CACNA2D4: variants seen among roughly 807,000 people sequenced by gnomAD.
The protein encoded by CACNA2D4 is calcium voltage-gated channel auxiliary subunit alpha2delta 4.
A neutral mutation model predicts 163.8 loss-of-function variants in CACNA2D4; 157 were observed. The ratio of observed to expected loss-of-function variants is 0.96; its 90% CI spans 0.84 to 1.09. The LOEUF (loss-of-function observed/expected upper bound fraction) is 1.09, where lower values mean the gene tolerates loss of function less well. CACNA2D4 is among the 50% of genes least tolerant of loss of function. The pLI is 0.00. For missense variants in CACNA2D4, 1,410 were observed against 1,479.9 expected (o/e 0.95, Z 0.78); for synonymous variants, 598 against 586.9 (o/e 1.02, Z -0.27).
chr12:1,909,574 G>A (rs1391441459), intron 4 of CACNA2D4, among the ~76,000 whole-genome samples: 3 of 152,198 alleles, frequency 2.0e-5, no homozygotes, highest in African/African-American at 7.2e-5. Context: ...TCCCCCATGA[G>A]CCCTGGGCGC....
Position 1,793,072 on chromosome 12 carries a change from C to G in CACNA2D4, c.*583G>C, listed in dbSNP as rs185774215. On this transcript the variant is annotated 3_prime_UTR_variant, in exon 38 of 38. Transcript: ENST00000382722. ...CTTGACCATTCCCTTACCCAACCCCCACCCCAACACAGTCAAAACCTTTTC... is the reference window on the plus strand; with the variant it reads ...CTTGACCATTCCCTTACCCAACCCCGACCCCAACACAGTCAAAACCTTTTC... 2.1e-3 allele frequency: 329 copies of G among 153,204 alleles called. No individual in the cohort carries two copies. The highest frequency in any genetic ancestry group is 3.7e-3 in the Admixed American group (57 of 15,446). 9.5% of individuals were successfully genotyped at this position (153,204 alleles called of 1,614,324 possible).
At chr12:1,821,908 TG>T (rs1864119827) in intron 26 of CACNA2D4, among the ~76,000 whole-genome samples, 1 of 151,676 alleles carries the variant, frequency 6.6e-6, no homozygotes. Flanking sequence ...AGTGTCTCTT[TG>T]TGACTCAGAT....
At chr12:1,832,099 T>C (rs1864661750) in intron 26 of CACNA2D4, among the ~76,000 whole-genome samples, 1 of 152,234 alleles carries the variant, frequency 6.6e-6, no homozygotes, top group South Asian at 2.1e-4. Context: ...TAGGCTTTAC[T>C]TTCTTCCCTT....
At chr12:1,837,499 C>T (rs139480215) in intron 26 of CACNA2D4, among the ~76,000 whole-genome samples, 41 of 152,234 alleles carry the variant, frequency 2.7e-4, no homozygotes, top group Non-Finnish European at 3.8e-4. Flanking sequence ...CTGCAAGCCC[C>T]ACTGAAGAGC....
chr12:1,870,764 GA>G (rs1204192971), intron 18 of CACNA2D4, among the ~76,000 whole-genome samples: 1 of 152,062 alleles, frequency 6.6e-6, no homozygotes, highest in African/African-American at 2.4e-5. Flanking sequence ...GGGGGGTTGG[GA>G]GGGGGTCTGT....
chr12:1,886,125 C>A, intron 8 of CACNA2D4, 86 bp from the exon 9 acceptor site: 1 of 1,534,842 alleles, frequency 6.5e-7, no homozygotes, highest in Non-Finnish European at 9.0e-7. Context: ...GACACTCATG[C>A]AGGTCACCGG....
intron 6 of CACNA2D4, among the ~76,000 whole-genome samples, chr12:1,898,772 T>C (rs764436618): frequency 3.3e-5 from 5 of 152,094 alleles, no homozygotes; most frequent in South Asian, 4.1e-4. Flanking sequence ...AATTCTGACA[T>C]ATGCTACAAC....
intron 37 of CACNA2D4, among the ~76,000 whole-genome samples, chr12:1,794,480 G>A (rs571481728): frequency 6.6e-6 from 1 of 152,322 alleles, no homozygotes; most frequent in East Asian, 1.9e-4. Context: ...GGTCCCACAA[G>A]GTGGCCGTCA....
intron 6 of CACNA2D4, among the ~76,000 whole-genome samples, chr12:1,889,642 A>C (rs1203461708): frequency 6.6e-6 from 1 of 152,142 alleles, no homozygotes; most frequent in African/African-American, 2.4e-5. Flanking sequence ...TTAAAATGTT[A>C]TTGTATTAAA....
At position 1,837,223 on chromosome 12, in the gene CACNA2D4, C is replaced by T. The variant is rs1051854942; in HGVS notation, c.2551+3516G>A. 3.9e-5 allele frequency among the ~76,000 whole-genome samples: 6 copies of T among 152,018 alleles called. No individual in the cohort carries two copies. In the East Asian group the frequency reaches 7.8e-4, roughly 20 times the overall value. ...GCACTGTTTGCCCAGAGGATGCTGCCGCACGGTGGGAGGGGAGGGCAGTTG... is the reference window on the plus strand; with the variant it reads ...GCACTGTTTGCCCAGAGGATGCTGCTGCACGGTGGGAGGGGAGGGCAGTTG... On this transcript the variant is annotated intron_variant, in intron 26 of 37. Transcript: ENST00000382722.
rs183654698 is a variant in CACNA2D4 at position 1,795,604 on chromosome 12, G to A, written c.3226+64C>T. On this transcript the variant is annotated intron_variant, in intron 36 of 37. Coordinates refer to ENST00000382722, the MANE Select transcript of CACNA2D4 (RefSeq NM_172364.5). ...GCTGGCCCCGCTGCTCAAAATCTGAGCCCTACAGACACCTCCTACAGCCCC... is the reference window on the plus strand; with the variant it reads ...GCTGGCCCCGCTGCTCAAAATCTGAACCCTACAGACACCTCCTACAGCCCC... The A allele has an allele frequency of 2.2e-5, 26 of 1,177,434 alleles. No individual in the cohort carries two copies. In the Admixed American group the frequency reaches 4.5e-4, roughly 20 times the overall value. The allele number at this position is 1,177,434 out of a possible 1,614,324, so 72.9% of individuals were successfully genotyped here.
At chr12:1,840,892 G>A in intron 25 of CACNA2D4, 73 bp from the exon 26 acceptor site, 1 of 1,282,046 alleles carries the variant, frequency 7.8e-7, no homozygotes. Context: ...CCACTTTCTT[G>A]GAATAGGAGA....
intron 34 of CACNA2D4, 155 bp from the exon 35 acceptor site, chr12:1,797,690 G>A: frequency 2.9e-6 from 2 of 685,540 alleles, no homozygotes; most frequent in South Asian, 1.5e-5. Flanking sequence ...AGCCGGGCGG[G>A]GGGTGAGGGG....
chr12:1,810,865 C>T (rs534317774), intron 27 of CACNA2D4, among the ~76,000 whole-genome samples: 4 of 152,126 alleles, frequency 2.6e-5, no homozygotes, highest in East Asian at 1.9e-4. Context: ...GCATTGTGTG[C>T]GTGGTATGCA....
intron 26 of CACNA2D4, among the ~76,000 whole-genome samples, chr12:1,817,613 G>T (rs1477679926): frequency 6.6e-6 from 1 of 152,002 alleles, no homozygotes; most frequent in East Asian, 1.9e-4. Context: ...CCTGCCAAGT[G>T]CCTGCGATTG....
intron 24 of CACNA2D4, among the ~76,000 whole-genome samples, chr12:1,845,766 A>G (rs186273339): frequency 4.9e-4 from 74 of 152,280 alleles, no homozygotes; most frequent in African/African-American, 1.7e-3. Flanking sequence ...CTTGGCTTAG[A>G]GCAGGGTTTC....
Position 1,799,424 on chromosome 12 carries a change from A to C in CACNA2D4, c.2995+251T>G, listed in dbSNP as rs1176944402. Among the ~76,000 whole-genome samples the C allele has an allele frequency of 6.6e-6, 1 of 152,170 alleles. No individual in the cohort carries two copies. Among genetic ancestry groups the C allele is most frequent in the East Asian group, 1.9e-4 (1 of 5,190 alleles). ...GCCACACCACCGGCTTCCTCTTGGA[A>C]TCTTACGTGTTCTCACCCAAGGGGA... On this transcript the variant is annotated intron_variant, in intron 34 of 37. Transcript: ENST00000382722. The surrounding 1 kb of genome is among the most constrained non-coding windows in gnomAD (Gnocchi z 4.7).
At position 1,907,800 on chromosome 12, in the gene CACNA2D4, CCTGGTGGGCGTGT is replaced by C. The variant is rs1866700494; in HGVS notation, c.649+62_649+74del. On this transcript the variant is annotated intron_variant, in intron 5 of 37. Coordinates refer to ENST00000382722, the MANE Select transcript of CACNA2D4 (RefSeq NM_172364.5). ...CTGGTGAGTATGCCTGGTGGGTGTG[CCTGGTGGGCGTGT>C]CTGGTGGGTGTGCTAGGTGGGCGTG... 1.2e-5 allele frequency: 17 copies of C among 1,469,846 alleles called. 1 individual carries two copies. The highest frequency in any genetic ancestry group is 9.4e-5 in the South Asian group (8 of 85,246). 91.1% of individuals were successfully genotyped at this position (1,469,846 alleles called of 1,614,324 possible). A position where few individuals can be genotyped will look rare whatever the true frequency, so the allele number is the denominator to read the frequency against.
chr12:1,846,480 C>A, intron 24 of CACNA2D4, 114 bp downstream of exon 24: 3 of 822,224 alleles, frequency 3.6e-6, no homozygotes, highest in Non-Finnish European at 5.8e-6. Flanking sequence ...TCCCAGGGGT[C>A]CAGCATGCTG....
Sources: gnomAD v4.1 joint callset for allele counts (sites outside exome capture counted in the v4.1 genomes callset) on GRCh38, gnomAD v4.1.1 for gene constraint, Gnocchi (gnomAD v3.1) non-coding constraint, MANE v1.5 for transcripts, NCBI Gene and HGNC (gene_info 2026-07-23, HGNC 2026-07-21) for gene names.